The following ALPK2 variants were observed in gnomAD, a reference collection of about 807,000 sequenced individuals.
The protein encoded by ALPK2 is alpha kinase 2.
In ALPK2, 127 loss-of-function variants were observed where a neutral mutation model predicts 163.1. The observed-to-expected ratio is 0.78, with a 90% CI of 0.67 to 0.90. The LOEUF (loss-of-function observed/expected upper bound fraction) is 0.90, where lower values mean the gene tolerates loss of function less well. Ranked by LOEUF, ALPK2 falls within the 40% of genes least tolerant of loss-of-function variation. The pLI, the probability that ALPK2 is intolerant of heterozygous loss-of-function variation, is 0.00. For missense variants in ALPK2, 2,360 were observed against 2,589.6 expected, an observed-to-expected ratio of 0.91 and a Z score of 1.92; for synonymous variants, 953 against 959.1, an observed-to-expected ratio of 0.99 and a Z score of 0.12.
At chr18:58,578,738 A>ACACACGCGCACGCGCGCGCG in intron 4 of ALPK2, 76 bp downstream of exon 4, 1 of 936,582 alleles carries the variant, frequency 1.1e-6, no homozygotes, top group South Asian at 1.8e-5. Flanking sequence ...GAAGAGACAC[A>ACACACGCGCACGCGCGCGCG]CACACACACA....
rs1425458243 is a variant in ALPK2, at chr18:58,611,829, A to G, written c.-20-12T>C. The G allele has an allele frequency of 6.9e-7, 1 of 1,451,410 alleles. No individual in the cohort carries two copies. The highest frequency in any genetic ancestry group is 9.4e-7 in the Non-Finnish European group (1 of 1,066,602). The allele number at this position is 1,451,410 out of a possible 1,614,324, so 89.9% of individuals were successfully genotyped here. Reference sequence around the variant, plus strand: ...ATGCCGCACCAAATCTGAAAAAAAAAAAAATCCCCGACATCACCATTTGTT... The same window carrying G: ...ATGCCGCACCAAATCTGAAAAAAAAGAAAATCCCCGACATCACCATTTGTT... On this transcript the variant is annotated splice_polypyrimidine_tract_variant and intron_variant, in intron 1 of 12. Transcript: ENST00000361673.
chr18:58,626,170 G>T (rs2052229645), intron 1 of ALPK2, among the ~76,000 whole-genome samples: 1 of 152,074 alleles, frequency 6.6e-6, no homozygotes. Flanking sequence ...AAAGAGCTGT[G>T]GGGTATCTCA....
rs776998161 is a variant in ALPK2, at chr18:58,537,834, C to G, written c.2353G>C (p.Ala785Pro). The G allele has an allele frequency of 6.2e-7, 1 of 1,614,128 alleles. No homozygotes were observed. Among genetic ancestry groups the G allele is most frequent in the South Asian group, 1.1e-5 (1 of 91,076 alleles). The part of the protein sequence containing the change: ...SVASPEPTDT[A>P]LTLENVCDEP... ...TCACACACATTTTCCAGGGTGAGGG[C>G]AGTATCTGTGGGTTCAGGGGAAGCA... The change falls in exon 5 of 13, where the codon GCC (alanine) becomes CCC (proline). Residue 785 changes from alanine to proline, a missense_variant. Ala to Pro is a conservative substitution (Grantham distance 27). Transcript: ENST00000361673.
At chr18:58,538,823 A>C (rs182457533) in intron 4 of ALPK2, among the ~76,000 whole-genome samples, 2 of 152,056 alleles carry the variant, frequency 1.3e-5, no homozygotes, top group South Asian at 2.1e-4. Flanking sequence ...GCCATCCCTC[A>C]GGGGTGGGGG....
intron 12 of ALPK2, among the ~76,000 whole-genome samples, chr18:58,492,146 G>GAC (rs60280063): frequency 4.4e-4 from 67 of 151,430 alleles, no homozygotes; most frequent in East Asian, 2.0e-3. Flanking sequence ...GGTCTCTTTA[G>GAC]ACACACACAC....
At chr18:58,499,272 C>T (rs913650952) in intron 11 of ALPK2, among the ~76,000 whole-genome samples, 5 of 151,942 alleles carry the variant, frequency 3.3e-5, no homozygotes, top group Non-Finnish European at 7.4e-5. Context: ...CCCTTTTTTG[C>T]ATGTGCCTTT....
chr18:58,564,281 C>A (rs181390899), intron 4 of ALPK2, among the ~76,000 whole-genome samples: 33 of 151,886 alleles, frequency 2.2e-4, no homozygotes, highest in Non-Finnish European at 3.8e-4. Flanking sequence ...CGCTACCACA[C>A]CCAGCTAATT....
At chr18:58,552,424 G>C (rs2051764631) in intron 4 of ALPK2, among the ~76,000 whole-genome samples, 1 of 152,112 alleles carries the variant, frequency 6.6e-6, no homozygotes, top group African/African-American at 2.4e-5. Context: ...CCCCAGCTGG[G>C]CAAACAAATG....
intron 4 of ALPK2, among the ~76,000 whole-genome samples, chr18:58,571,698 A>G (rs2051886683): frequency 6.6e-6 from 1 of 152,166 alleles, no homozygotes; most frequent in Non-Finnish European, 1.5e-5. Context: ...AGATAAAAAG[A>G]CAAATTACAG....
At chr18:58,623,312 T>TC (rs959803041) in intron 1 of ALPK2, among the ~76,000 whole-genome samples, 5 of 151,784 alleles carry the variant, frequency 3.3e-5, no homozygotes, top group African/African-American at 9.7e-5. Flanking sequence ...GCTCAAGCAA[T>TC]CCCCCCACCC....
chr18:58,557,575 G>A (rs1178884559), intron 4 of ALPK2, among the ~76,000 whole-genome samples: 2 of 151,980 alleles, frequency 1.3e-5, no homozygotes, highest in Admixed American at 6.6e-5. Context: ...GAACCTAAAA[G>A]TGCTCTAAAA....
At chr18:58,543,500 G>A in intron 4 of ALPK2, 2 of 569,166 alleles carry the variant, frequency 3.5e-6, no homozygotes, top group Non-Finnish European at 4.4e-6. Flanking sequence ...AGCAGAAAGG[G>A]TATCACTACA....
chr18:58,600,027 C>CTTTTTTTTT (rs1166291584), intron 3 of ALPK2, among the ~76,000 whole-genome samples: 12 of 66,848 alleles, frequency 1.8e-4, no homozygotes, highest in Non-Finnish European at 2.6e-4. Context: ...ATGGGGATAT[C>CTTTTTTTTT]TTTTTTTTTT....
At chr18:58,518,017 G>A (rs1445680915) in intron 8 of ALPK2, among the ~76,000 whole-genome samples, 2 of 152,114 alleles carry the variant, frequency 1.3e-5, no homozygotes, top group African/African-American at 4.8e-5. Context: ...TTAAACTAGA[G>A]ATGACCCAAT....
intron 1 of ALPK2, among the ~76,000 whole-genome samples, chr18:58,619,236 G>A (rs1296721181): frequency 6.6e-6 from 1 of 152,172 alleles, no homozygotes; most frequent in African/African-American, 2.4e-5. Context: ...AGACAAGATC[G>A]TATTTCATCT....
At chr18:58,616,288 C>A (rs1369043509) in intron 1 of ALPK2, among the ~76,000 whole-genome samples, 2 of 152,158 alleles carry the variant, frequency 1.3e-5, no homozygotes, top group African/African-American at 4.8e-5. Context: ...TGTTGGGGCA[C>A]TTTTGGCCTT....
intron 5 of ALPK2, among the ~76,000 whole-genome samples, chr18:58,534,463 A>G (rs2051632119): frequency 1.3e-5 from 2 of 152,234 alleles, no homozygotes; most frequent in African/African-American, 2.4e-5. Flanking sequence ...GCTTCTGTTT[A>G]TATTTTTAAA....
chr18:58,588,173 T>C (rs2051996628), intron 3 of ALPK2, among the ~76,000 whole-genome samples: 2 of 152,324 alleles, frequency 1.3e-5, no homozygotes, highest in South Asian at 4.1e-4. Flanking sequence ...TACTGAGTTA[T>C]CAAGATTTAA....
chr18:58,625,339 T>C (rs2052224257), intron 1 of ALPK2, among the ~76,000 whole-genome samples: 1 of 152,218 alleles, frequency 6.6e-6, no homozygotes. Flanking sequence ...TGGCACACTG[T>C]ATCTGTGTCT....
Sources: gnomAD v4.1 joint callset for allele counts (sites outside exome capture counted in the v4.1 genomes callset) on GRCh38, gnomAD v4.1.1 for gene constraint, MANE v1.5 for transcripts, NCBI Gene and HGNC (gene_info 2026-07-23, HGNC 2026-07-21) for gene names.